The following SPTSSB variants were observed in gnomAD, a reference collection of about 807,000 sequenced individuals.
SPTSSB encodes the protein androgen down regulated in mouse prostate.
Under a neutral mutation model 7.7 loss-of-function variants are expected in SPTSSB, and 6 were observed. The observed-to-expected ratio is 0.78, with a 90% CI of 0.43 to 1.54. The LOEUF is 1.54. Among genes scored for constraint, SPTSSB ranks in the 40% most tolerant of loss-of-function variants. SPTSSB has a pLI of 0.01. For missense variants in SPTSSB, 91 were observed against 93.0 expected, an observed-to-expected ratio of 0.98 and a Z score of 0.09; for synonymous variants, 28 against 29.7, an observed-to-expected ratio of 0.94 and a Z score of 0.19.
chr3:161,368,317 T>C lies in SPTSSB; in HGVS notation c.-126+3118A>G, dbSNP rs1237326487. Among the ~76,000 whole-genome samples the C allele has an allele frequency of 6.6e-5, 10 of 152,336 alleles. No homozygotes were observed. The South Asian group carries it at 1.7e-3, about 25-fold the overall frequency. On this transcript the variant is annotated intron_variant, in intron 1 of 2. Coordinates refer to ENST00000620149, the MANE Select transcript of SPTSSB (RefSeq NM_001040100.2). ...AAGTACACAATTCAGTGGTTTTTAG[T>C]ATATTTACAGTATTGCAACCATCAT...
intron 1 of SPTSSB, among the ~76,000 whole-genome samples, chr3:161,362,857 C>T (rs1415334304): frequency 2.0e-5 from 3 of 151,944 alleles, no homozygotes; most frequent in African/African-American, 7.2e-5. Flanking sequence ...GTTTAGACAA[C>T]ACTTATAAGA....
intron 2 of SPTSSB, among the ~76,000 whole-genome samples, chr3:161,352,276 T>G (rs1000728453): frequency 6.6e-6 from 1 of 152,182 alleles, no homozygotes; most frequent in African/African-American, 2.4e-5. Context: ...ATTCTAAAGC[T>G]TCTATGTTTT....
intron 1 of SPTSSB, among the ~76,000 whole-genome samples, chr3:161,365,395 T>C (rs1233981742): frequency 6.6e-6 from 1 of 152,222 alleles, no homozygotes; most frequent in African/African-American, 2.4e-5. Flanking sequence ...GTTTATGCTA[T>C]GATAGGGAAG....
At chr3:161,346,929 G>A (rs1714268587) in intron 2 of SPTSSB, among the ~76,000 whole-genome samples, 1 of 152,214 alleles carries the variant, frequency 6.6e-6, no homozygotes, top group Admixed American at 6.5e-5. Flanking sequence ...AATGGCCACA[G>A]TGAGGCCAGA....
intron 1 of SPTSSB, among the ~76,000 whole-genome samples, chr3:161,362,390 T>C (rs1409635662): frequency 6.6e-6 from 1 of 152,132 alleles, no homozygotes; most frequent in African/African-American, 2.4e-5. Flanking sequence ...CACCTCCCCA[T>C]GACAGACCTT....
intron 2 of SPTSSB, among the ~76,000 whole-genome samples, chr3:161,357,187 G>A (rs1252402091): frequency 1.3e-5 from 2 of 152,132 alleles, no homozygotes; most frequent in African/African-American, 4.8e-5. Context: ...AGGGAAAGTA[G>A]AAGTTTATAG....
intron 2 of SPTSSB, among the ~76,000 whole-genome samples, chr3:161,355,719 A>C (rs2108160522): frequency 6.6e-6 from 1 of 152,326 alleles, no homozygotes; most frequent in South Asian, 2.1e-4. Flanking sequence ...ATGGGTATAG[A>C]GTTTCAGTTT....
rs143949082 is a variant in SPTSSB, at chr3:161,355,382, T to C, written c.-33+4420A>G. Among the ~76,000 whole-genome samples, 788 of 152,326 alleles carry C rather than the reference T, an allele frequency of 5.2e-3. 3 individuals carry two copies. Among genetic ancestry groups the C allele is most frequent in the Non-Finnish European group, 8.6e-3 (583 of 68,026 alleles). ...ATTAAAGCCACCAAAAGTTGTTTTC[T>C]AAGTCATTAAAGGTGTATCCACATT... is the stretch of plus-strand genomic sequence containing the variant. On this transcript the variant is annotated intron_variant, in intron 2 of 2. Coordinates refer to ENST00000620149, the MANE Select transcript of SPTSSB (RefSeq NM_001040100.2).
At chr3:161,369,223 TTCTC>T (rs1273779395) in intron 1 of SPTSSB, among the ~76,000 whole-genome samples, 2 of 152,100 alleles carry the variant, frequency 1.3e-5, no homozygotes, top group African/African-American at 4.8e-5. Flanking sequence ...TCTCTACATC[TTCTC>T]TAACACTTGC....
At chr3:161,351,238 A>G (rs1223599894) in intron 2 of SPTSSB, among the ~76,000 whole-genome samples, 2 of 152,212 alleles carry the variant, frequency 1.3e-5, no homozygotes, top group African/African-American at 2.4e-5. Flanking sequence ...TGTAATGAAT[A>G]TGTTATACTA....
chr3:161,370,184 T>C (rs1041035994), intron 1 of SPTSSB, among the ~76,000 whole-genome samples: 1 of 152,226 alleles, frequency 6.6e-6, no homozygotes, highest in South Asian at 2.1e-4. Context: ...TTTATAAAAG[T>C]ATTTGCAAAT....
At chr3:161,370,177 A>G (rs1254084904) in intron 1 of SPTSSB, among the ~76,000 whole-genome samples, 2 of 152,232 alleles carry the variant, frequency 1.3e-5, no homozygotes, top group Non-Finnish European at 2.9e-5. Context: ...GGCAGTTTTT[A>G]TAAAAGTATT....
chr3:161,368,449 C>A (rs55814004), intron 1 of SPTSSB, among the ~76,000 whole-genome samples: 6,600 of 146,598 alleles, frequency 0.045, 227 homozygotes, highest in African/African-American at 0.09. Context: ...TTTTTTGAGA[C>A]GGAGTCTCGC....
intron 1 of SPTSSB, among the ~76,000 whole-genome samples, chr3:161,364,434 C>G (rs1350402532): frequency 6.6e-6 from 1 of 152,084 alleles, no homozygotes; most frequent in African/African-American, 2.4e-5. Context: ...CAAGCATATT[C>G]TCTCAGATAG....
rs1274035317 is a variant in SPTSSB, at chr3:161,369,311, TTTC to T, written c.-126+2121_-126+2123del. Among the ~76,000 whole-genome samples the T allele has an allele frequency of 1.9e-3, 102 of 54,104 alleles. 1 individual carries two copies. The highest frequency in any genetic ancestry group is 0.015 in the African/African-American group (98 of 6,708). The allele number at this position is 54,104 out of a possible 152,430, so 35.5% of individuals were successfully genotyped here. ...TTTTCTTTCTTTCTTTCTTTCTTTC[TTTC>T]TCTTTCTTTCTTTCTTTCTTTCTTT... On this transcript the variant is annotated intron_variant, in intron 1 of 2. Coordinates refer to ENST00000620149, the MANE Select transcript of SPTSSB (RefSeq NM_001040100.2).
intron 2 of SPTSSB, among the ~76,000 whole-genome samples, chr3:161,358,039 C>G: frequency 7.6e-6 from 1 of 131,404 alleles, no homozygotes; most frequent in East Asian, 2.5e-4. Context: ...GCAATAGAAA[C>G]TTTTGTTTTT....
At chr3:161,360,064 T>C (rs545380138) in intron 1 of SPTSSB, among the ~76,000 whole-genome samples, 170 bp from the exon 2 acceptor site, 1 of 152,306 alleles carries the variant, frequency 6.6e-6, no homozygotes, top group South Asian at 2.1e-4. Flanking sequence ...TGAAAAATTA[T>C]TTTTAGAAAA....
chr3:161,354,571 C>T (rs1261793119), intron 2 of SPTSSB, among the ~76,000 whole-genome samples: 2 of 152,234 alleles, frequency 1.3e-5, no homozygotes, highest in African/African-American at 2.4e-5. Context: ...GTCTCAGACT[C>T]CTGGCTTCAA....
At chr3:161,369,303 TTTCTTTCTTTCTCTTTC>T (rs1560108964) in intron 1 of SPTSSB, among the ~76,000 whole-genome samples, 6 of 59,516 alleles carry the variant, frequency 1.0e-4, no homozygotes, top group African/African-American at 6.7e-4. Flanking sequence ...TCTTTCTTTC[TTTCTTTCTTTCTCTTTC>T]TTTCTTTCTT....
Sources: allele counts gnomAD v4.1 joint callset (sites outside exome capture counted in the v4.1 genomes callset), GRCh38; gene constraint gnomAD v4.1.1; transcripts MANE v1.5; gene names NCBI Gene and HGNC (gene_info 2026-07-23, HGNC 2026-07-21).